Variants in PDXDC1 observed in about 807,000 individuals in gnomAD.
PDXDC1 encodes pyridoxal dependent decarboxylase domain containing 1, also known as pyridoxal-dependent decarboxylase domain-containing protein 1.
In PDXDC1, 42 loss-of-function variants were observed where a neutral mutation model predicts 100.1. That is an observed-to-expected ratio of 0.42 (90% CI 0.33 to 0.54). The LOEUF (loss-of-function observed/expected upper bound fraction) is 0.54, where lower values mean the gene tolerates loss of function less well. Ranked by LOEUF, PDXDC1 falls within the 20% of genes least tolerant of loss-of-function variation. The pLI is 0.10. For synonymous variants in PDXDC1, 260 were observed against 371.7 expected, an observed-to-expected ratio of 0.70 and a Z score of 3.46; for missense variants, 636 against 979.2, an observed-to-expected ratio of 0.65 and a Z score of 4.68.
At chr16:15,042,577 AATT>A (rs1436954924), downstream of PDXDC1, among the ~76,000 whole-genome samples, 6 of 152,232 alleles carry the variant, frequency 3.9e-5, no homozygotes, top group East Asian at 3.9e-4. Context: ...GCGACTACAT[AATT>A]ATTATTCTGA....
In PDXDC1 at chr16:15,033,396, G is replaced by C. The variant is rs769024763; in HGVS notation, c.1809G>C (p.Ser603=). 6.2e-7 allele frequency: 1 copy of C among 1,614,008 alleles called. No individual in the cohort carries two copies. Among genetic ancestry groups the C allele is most frequent in the South Asian group, 1.1e-5 (1 of 91,084 alleles). ...CAGCCCGGGAGATAGAGGAGAACTC[G>C]AGGGTCCGTAGCACCCATCAGTGTT... ...AATAREIEEN[S]RLLENMTEVV... is the part of the protein sequence containing the mutation. Residue 603 remains serine (S), a synonymous_variant, in exon 19 of 23, where the codon TCG becomes TCC. Transcript: ENST00000396410.
the PDXDC1 span, among the ~76,000 whole-genome samples, chr16:15,151,712 A>G: frequency 8.6e-6 from 1 of 115,730 alleles, no homozygotes; most frequent in African/African-American, 2.7e-5. Flanking sequence ...CGGGCGGATC[A>G]TCTGAGGTCA....
rs1598182103 is a variant in PDXDC1, at chr16:15,123,378, T to C, written c.1400-15501T>C. On this transcript the variant is annotated intron_variant, in intron 16 of 16. Transcript: ENST00000535621. ...AGCTCCCAGGGTTCCTCAAGGTCAC[T>C]TTTGGTGACAAAACATAAAAAACAA... 5.5e-5 allele frequency: 64 copies of C among 1,168,038 alleles called. 1 individual carries two copies. In the East Asian group the frequency reaches 1.6e-3, roughly 29 times the overall value. The allele number at this position is 1,168,038 out of a possible 1,614,324, so 72.4% of individuals were successfully genotyped here. A position where few individuals can be genotyped will look rare whatever the true frequency, so the allele number is the denominator to read the frequency against.
intron 3 of PDXDC1, among the ~76,000 whole-genome samples, chr16:15,000,807 T>C (rs2151353245): frequency 6.6e-6 from 1 of 151,804 alleles, no homozygotes; most frequent in African/African-American, 2.4e-5. Context: ...ACGGACAAGA[T>C]CCCTATGGAG....
chr16:15,016,048 A>G, intron 8 of PDXDC1, 81 bp from the exon 9 acceptor site: 1 of 1,586,940 alleles, frequency 6.3e-7, no homozygotes, highest in East Asian at 2.3e-5. Context: ...TCCTAGGGCG[A>G]TAATGTGTAT....
At chr16:15,076,015 A>G (rs548101696) in intron 16 of PDXDC1, among the ~76,000 whole-genome samples, 2 of 152,140 alleles carry the variant, frequency 1.3e-5, no homozygotes, top group Admixed American at 6.5e-5. Flanking sequence ...AGCTGGGAAC[A>G]AACTCTGTAG....
intron 16 of PDXDC1, among the ~76,000 whole-genome samples, chr16:15,101,080 G>A (rs1251700199): frequency 6.6e-6 from 1 of 152,124 alleles, no homozygotes; most frequent in Non-Finnish European, 1.5e-5. Context: ...ATTTTCTTAT[G>A]TACAAAATGG....
chr16:15,069,657 T>C (rs2045138830), intron 16 of PDXDC1, among the ~76,000 whole-genome samples: 1 of 152,190 alleles, frequency 6.6e-6, no homozygotes, highest in African/African-American at 2.4e-5. Context: ...GGAAAATGAC[T>C]TTCCTGTGCT....
At chr16:15,148,245 C>A in the PDXDC1 span, among the ~76,000 whole-genome samples, 1 of 151,922 alleles carries the variant, frequency 6.6e-6, no homozygotes, top group South Asian at 2.1e-4. Flanking sequence ...GCGTGAGGCA[C>A]CGCGCCCGGC....
intron 1 of PDXDC1, among the ~76,000 whole-genome samples, chr16:14,993,520 A>C (rs1353561468): frequency 1.3e-5 from 2 of 152,266 alleles, no homozygotes; most frequent in African/African-American, 4.8e-5. Flanking sequence ...TATGTGCCAC[A>C]TTTTCTTAAT....
downstream of PDXDC1, chr16:15,038,576 C>T (rs751742881): frequency 6.6e-7 from 1 of 1,518,216 alleles, no homozygotes; most frequent in South Asian, 1.1e-5. Context: ...ACTCTCACCT[C>T]TAGTATTTGC....
chr16:15,080,563 A>C (rs2045656806), intron 16 of PDXDC1, among the ~76,000 whole-genome samples: 2 of 152,136 alleles, frequency 1.3e-5, no homozygotes, highest in Admixed American at 6.6e-5. Flanking sequence ...CCTCCCTAGT[A>C]GCTAGAACTA....
rs1970059349 is a variant in PDXDC1 at position 14,988,986 on chromosome 16, G to GACGC, written c.22-8767_22-8766insACGC. The GACGC allele has an allele frequency of 7.4e-6, 12 of 1,614,090 alleles. No homozygotes were observed. The East Asian group carries it at 2.7e-4, about 36-fold the overall frequency. The stretch of plus-strand genomic sequence containing the variant: ...GAAGCGGTGATCTTCATAGTTGAGC[G>GACGC]TCGACTCCATCTGGTCTCGCTCCCT... On this transcript the variant is annotated intron_variant, in intron 1 of 22. Transcript: ENST00000396410.
At chr16:14,980,532 C>G (rs1462087366) in intron 1 of PDXDC1, among the ~76,000 whole-genome samples, 1 of 152,282 alleles carries the variant, frequency 6.6e-6, no homozygotes, top group African/African-American at 2.4e-5. Context: ...GTGGCCTAGG[C>G]TGGAGTGCAG....
chr16:15,128,059 G>A, intron 16 of PDXDC1: 1 of 1,607,228 alleles, frequency 6.2e-7, no homozygotes, highest in East Asian at 2.2e-5. Flanking sequence ...GCCAGTCATT[G>A]ACCAGGAAGA....
At chr16:15,029,403 T>C (rs1317625674) in intron 15 of PDXDC1, 4 of 419,294 alleles carry the variant, frequency 9.5e-6, no homozygotes, top group Non-Finnish European at 1.6e-5. Context: ...TTGTGAACAG[T>C]GTGGGATGGC....
rs2041113998 is a variant in PDXDC1 at position 15,009,887 on chromosome 16, T to C, written c.727+128T>C. ...TGTTTAAGATAGTCCATATCCACAT[T>C]GTAGCAAAAACTGTAATAGTAAGGT... On this transcript the variant is annotated intron_variant, in intron 8 of 22. Coordinates refer to ENST00000396410, the MANE Select transcript of PDXDC1 (RefSeq NM_015027.4). 1.7e-5 allele frequency: 26 copies of C among 1,513,422 alleles called. 1 individual carries two copies. In the South Asian group the frequency reaches 3.6e-4, roughly 21 times the overall value. 93.7% of individuals were successfully genotyped at this position (1,513,422 alleles called of 1,614,324 possible). A position where few individuals can be genotyped will look rare whatever the true frequency, so the allele number is the denominator to read the frequency against.
the PDXDC1 span, among the ~76,000 whole-genome samples, chr16:15,147,375 G>A: frequency 5.3e-5 from 8 of 152,326 alleles, no homozygotes; most frequent in East Asian, 5.8e-4. Flanking sequence ...TCATCACCAC[G>A]GCTTCTCAGA....
At chr16:15,142,921 G>A (rs2048497243), downstream of PDXDC1, among the ~76,000 whole-genome samples, 1 of 152,032 alleles carries the variant, frequency 6.6e-6, no homozygotes, top group South Asian at 2.1e-4. Context: ...CAGAGTGCAG[G>A]GTCCTCTGGG....
Sources: allele counts gnomAD v4.1 joint callset (sites outside exome capture counted in the v4.1 genomes callset), GRCh38; gene constraint gnomAD v4.1.1; transcripts MANE v1.5; gene names NCBI Gene and HGNC (gene_info 2026-07-23, HGNC 2026-07-21).